NDNF: variants seen among roughly 807,000 people sequenced by gnomAD.
NDNF encodes the protein protein NDNF.
In NDNF, 16 loss-of-function variants were observed where a neutral mutation model predicts 42.0. The ratio of observed to expected loss-of-function variants is 0.38; its 90% CI spans 0.26 to 0.58. The LOEUF (loss-of-function observed/expected upper bound fraction) is 0.58, where lower values mean the gene tolerates loss of function less well. NDNF is among the 20% of genes least tolerant of loss of function. The pLI is 0.67. For synonymous variants in NDNF, 248 were observed against 251.7 expected, an observed-to-expected ratio of 0.99 and a Z score of 0.14; for missense variants, 616 against 666.2, an observed-to-expected ratio of 0.92 and a Z score of 0.83.
intron 2 of NDNF, among the ~76,000 whole-genome samples, chr4:121,045,325 C>T (rs954783918): frequency 1.3e-5 from 2 of 151,330 alleles, no homozygotes; most frequent in Non-Finnish European, 2.9e-5. Context: ...GCACTCCAGC[C>T]TGGGCAACAG....
chr4:121,048,096 C>T (rs1484517553), intron 1 of NDNF, among the ~76,000 whole-genome samples: 2 of 152,202 alleles, frequency 1.3e-5, no homozygotes, highest in African/African-American at 4.8e-5. Flanking sequence ...ATGGCATTTG[C>T]TATGCTGCCT....
intron 1 of NDNF, among the ~76,000 whole-genome samples, chr4:121,056,137 A>G (rs1727290887): frequency 6.6e-6 from 1 of 152,230 alleles, no homozygotes; most frequent in Non-Finnish European, 1.5e-5. Context: ...GCCAAATACC[A>G]TATAACTTAT....
chr4:121,069,369 C>T (rs1046975517), intron 1 of NDNF, among the ~76,000 whole-genome samples: 13 of 152,180 alleles, frequency 8.5e-5, no homozygotes, highest in Admixed American at 5.9e-4. Flanking sequence ...TTTTCAATTA[C>T]ATATTTTGTT....
intron 2 of NDNF, among the ~76,000 whole-genome samples, chr4:121,045,052 A>C (rs1207740250): frequency 1.3e-5 from 2 of 152,214 alleles, no homozygotes; most frequent in Non-Finnish European, 2.9e-5. Flanking sequence ...TCCTTCTTAG[A>C]AATATCCTAC....
intron 1 of NDNF, among the ~76,000 whole-genome samples, chr4:121,064,485 G>A (rs2148772218): frequency 6.6e-6 from 1 of 152,228 alleles, no homozygotes; most frequent in East Asian, 1.9e-4. Flanking sequence ...AATGTTGGAT[G>A]GAACTTTTTA....
chr4:121,038,376 T>TAAAATAAAAC (rs1321590872), intron 3 of NDNF, among the ~76,000 whole-genome samples: 1 of 141,056 alleles, frequency 7.1e-6, no homozygotes, highest in African/African-American at 2.5e-5. Flanking sequence ...TAAAATAAAA[T>TAAAATAAAAC]AAAATAAAAT....
In NDNF at chr4:121,048,474, G is replaced by A. The variant is rs184956757; in HGVS notation, c.-1-2636C>T. ...CAGCCCGAGTTGGAAAAATAGTGTC[G>A]ATTGATAGGAACTTTCCCTGCATCC... On this transcript the variant is annotated intron_variant, in intron 1 of 3. Transcript: ENST00000379692. Among the ~76,000 whole-genome samples the A allele has an allele frequency of 7.4e-4, 112 of 152,272 alleles. 1 individual carries two copies. Among genetic ancestry groups the A allele is most frequent in the African/African-American group, 2.6e-3 (110 of 41,556 alleles).
intron 1 of NDNF, among the ~76,000 whole-genome samples, chr4:121,070,891 G>A (rs1206999735): frequency 6.6e-6 from 1 of 152,230 alleles, no homozygotes; most frequent in Admixed American, 6.5e-5. Context: ...CTTGGCCGGA[G>A]GGACAGCTCA....
intron 1 of NDNF, among the ~76,000 whole-genome samples, chr4:121,066,823 A>G (rs1727507095): frequency 6.6e-6 from 1 of 152,246 alleles, no homozygotes; most frequent in Non-Finnish European, 1.5e-5. Flanking sequence ...ATTTGAATAT[A>G]GTCCATATTT....
chr4:121,057,093 G>A (rs372184335), intron 1 of NDNF, among the ~76,000 whole-genome samples: 11 of 152,228 alleles, frequency 7.2e-5, no homozygotes, highest in African/African-American at 1.9e-4. Context: ...GTGGATAAGA[G>A]GGATGAAAAA....
rs183231978 is a variant in NDNF, at chr4:121,040,759, C to G, written c.189-705G>C. 1.2e-4 allele frequency among the ~76,000 whole-genome samples: 19 copies of G among 152,280 alleles called. 1 individual carries two copies. Among genetic ancestry groups the G allele is most frequent in the African/African-American group, 3.6e-4 (15 of 41,548 alleles). On this transcript the variant is annotated intron_variant, in intron 2 of 3. Coordinates refer to ENST00000379692, the MANE Select transcript of NDNF (RefSeq NM_024574.4). ...CTGGGCTCAAACGATCCTCCCACCT[C>G]AGTTTCCTGAGTAGCTGGGACTGCA...
intron 3 of NDNF, among the ~76,000 whole-genome samples, chr4:121,039,211 TATATATA>T (rs1726950201): frequency 1.9e-5 from 1 of 52,876 alleles, no homozygotes; most frequent in Non-Finnish European, 5.0e-5. Context: ...TATATATATA[TATATATA>T]TATATATATA....
At chr4:121,060,679 T>C (rs773042270) in intron 1 of NDNF, among the ~76,000 whole-genome samples, 3 of 152,152 alleles carry the variant, frequency 2.0e-5, no homozygotes, top group Non-Finnish European at 2.9e-5. Flanking sequence ...GAAGAAACCA[T>C]TTATTACTAC....
chr4:121,045,653 T>G lies in NDNF; in HGVS notation c.185A>C (p.Lys62Thr). 3 of 1,613,382 alleles carry G rather than the reference T, an allele frequency of 1.9e-6. No homozygotes were observed. Among genetic ancestry groups the G allele is most frequent in the Non-Finnish European group, 2.5e-6 (3 of 1,179,276 alleles). Reference sequence around the variant, plus strand: ...GAAAATACTGCAGGGAGAATACCTCTTAGGTGTATCTCTAAAGAGATAACT... The same window carrying G: ...GAAAATACTGCAGGGAGAATACCTCGTAGGTGTATCTCTAAAGAGATAACT... ...ISSYLFRDTP[K>T]RYFFVVEEDN... Residue 62 changes from lysine (K) to threonine (T), a missense_variant, in exon 2 of 4, where the codon AAG becomes ACG. Physicochemically the swap from Lys to Thr is moderately conservative, Grantham distance 78 (BLOSUM62 -1). Transcript: ENST00000379692.
At chr4:121,039,231 T>C (rs1238644357) in intron 3 of NDNF, among the ~76,000 whole-genome samples, 1 of 129,094 alleles carries the variant, frequency 7.7e-6, no homozygotes, top group Middle Eastern at 4.0e-3. Flanking sequence ...TATATATATA[T>C]ATATAAAGAC....
chr4:121,064,350 T>G (rs1435847858), intron 1 of NDNF, among the ~76,000 whole-genome samples: 1 of 152,182 alleles, frequency 6.6e-6, no homozygotes, highest in Non-Finnish European at 1.5e-5. Context: ...TAGAATCATT[T>G]CTGCTTCCAT....
intron 1 of NDNF, among the ~76,000 whole-genome samples, chr4:121,048,710 C>G (rs917007389): frequency 6.6e-6 from 1 of 152,102 alleles, no homozygotes; most frequent in Admixed American, 6.5e-5. Context: ...TGGTGGTGGG[C>G]GCCTGTAATC....
intron 3 of NDNF, chr4:121,038,987 A>G (rs905077562): frequency 6.7e-6 from 1 of 149,254 alleles, no homozygotes; most frequent in African/African-American, 2.5e-5. Flanking sequence ...TGTCCTGAAA[A>G]AAAAAAAAAA....
chr4:121,060,185 A>T (rs1727379752), intron 1 of NDNF, among the ~76,000 whole-genome samples: 1 of 151,442 alleles, frequency 6.6e-6, no homozygotes, highest in African/African-American at 2.4e-5. Flanking sequence ...TAGTTTTTTT[A>T]TTTTTTTAGT....
Sources: allele counts gnomAD v4.1 joint callset (sites outside exome capture counted in the v4.1 genomes callset), GRCh38; gene constraint gnomAD v4.1.1; transcripts MANE v1.5; gene names NCBI Gene and HGNC (gene_info 2026-07-23, HGNC 2026-07-21).